DOK6: variants seen among roughly 807,000 people sequenced by gnomAD.
The protein encoded by DOK6 is downstream of tyrosine kinase 6.
Under a neutral mutation model 44.0 loss-of-function variants are expected in DOK6, and 22 were observed. The ratio of observed to expected loss-of-function variants is 0.50; its 90% confidence interval spans 0.36 to 0.71. The LOEUF (loss-of-function observed/expected upper bound fraction) is 0.71. DOK6 is among the 30% of genes least tolerant of loss of function. DOK6 has a pLI of 0.00. For synonymous variants in DOK6, 166 were observed against 145.5 expected, an observed-to-expected ratio of 1.14 and a Z score of -1.01; for missense variants, 340 against 416.4, an observed-to-expected ratio of 0.82 and a Z score of 1.60.
Position 69,649,951 on chromosome 18 carries a change from A to G in DOK6, c.290-27783A>G, listed in dbSNP as rs140160798. Among the ~76,000 whole-genome samples the G allele has an allele frequency of 2.0e-3, 310 of 152,188 alleles. 2 individuals carry two copies. The highest frequency in any genetic ancestry group is 5.7e-4 in the Non-Finnish European group (39 of 68,008). On this transcript the variant is annotated intron_variant, in intron 3 of 7. Coordinates refer to ENST00000382713, the MANE Select transcript of DOK6 (RefSeq NM_152721.6). ...AAGTAAAACTTGACCCACTGATCCT[A>G]AAATACATCTCTTATGGGATCCCCT...
intron 7 of DOK6, among the ~76,000 whole-genome samples, chr18:69,790,714 A>G (rs1980569241): frequency 6.6e-6 from 1 of 152,132 alleles, no homozygotes; most frequent in East Asian, 1.9e-4. Flanking sequence ...TGATATGGGC[A>G]TACAATGCAT....
intron 2 of DOK6, among the ~76,000 whole-genome samples, chr18:69,568,811 A>C (rs1599197703): frequency 6.6e-6 from 1 of 151,888 alleles, no homozygotes; most frequent in Admixed American, 6.6e-5. Flanking sequence ...CTACGCATGA[A>C]AGGGATACAG....
chr18:69,562,711 A>G (rs1022267221), intron 1 of DOK6, among the ~76,000 whole-genome samples: 30 of 152,328 alleles, frequency 2.0e-4, no homozygotes, highest in African/African-American at 7.0e-4. Context: ...AAGAAAACCT[A>G]GGTAATACCA....
chr18:69,609,646 C>T (rs1984090892), intron 3 of DOK6, among the ~76,000 whole-genome samples: 1 of 149,838 alleles, frequency 6.7e-6, no homozygotes, highest in South Asian at 2.1e-4. Context: ...GGAGAATTAC[C>T]ATATGATCTG....
intron 5 of DOK6, among the ~76,000 whole-genome samples, chr18:69,709,046 G>A (rs1395999456): frequency 6.6e-6 from 1 of 152,136 alleles, no homozygotes; most frequent in Non-Finnish European, 1.5e-5. Flanking sequence ...AACTCACAGT[G>A]GGGCTCTCTC....
At chr18:69,769,435 T>C (rs1277419248) in intron 7 of DOK6, among the ~76,000 whole-genome samples, 1 of 152,132 alleles carries the variant, frequency 6.6e-6, no homozygotes, top group Non-Finnish European at 1.5e-5. Flanking sequence ...CTAAGAAACA[T>C]CCTGTGCTTG....
At chr18:69,741,958 G>GA (rs1408880571) in intron 6 of DOK6, among the ~76,000 whole-genome samples, 1 of 152,124 alleles carries the variant, frequency 6.6e-6, no homozygotes, top group African/African-American at 2.4e-5. Flanking sequence ...TACTATGAAA[G>GA]AAAATTCAAT....
At chr18:69,772,031 C>G (rs892494484) in intron 7 of DOK6, among the ~76,000 whole-genome samples, 1 of 147,866 alleles carries the variant, frequency 6.8e-6, no homozygotes. Context: ...AAAAAAATGG[C>G]TTTTAGGTGA....
At chr18:69,752,114 G>C (rs1979202287) in intron 6 of DOK6, among the ~76,000 whole-genome samples, 1 of 151,770 alleles carries the variant, frequency 6.6e-6, no homozygotes. Flanking sequence ...CAAAATATAA[G>C]AACTGAAAAA....
intron 5 of DOK6, among the ~76,000 whole-genome samples, chr18:69,718,238 G>C (rs1261181156): frequency 6.6e-6 from 1 of 152,144 alleles, no homozygotes; most frequent in East Asian, 1.9e-4. Context: ...GAGTTGGGAA[G>C]ACCCATTCAG....
intron 6 of DOK6, among the ~76,000 whole-genome samples, chr18:69,748,993 A>G (rs1416709378): frequency 6.6e-6 from 1 of 152,216 alleles, no homozygotes; most frequent in Non-Finnish European, 1.5e-5. Context: ...GAACAAGATT[A>G]TGTCCTTTTC....
chr18:69,815,605 A>T (rs760101193), intron 7 of DOK6, among the ~76,000 whole-genome samples: 9 of 152,186 alleles, frequency 5.9e-5, no homozygotes, highest in Non-Finnish European at 1.0e-4. Context: ...AATGACAAGT[A>T]AGAGAAAATC....
intron 2 of DOK6, among the ~76,000 whole-genome samples, chr18:69,582,231 A>G (rs1302011498): frequency 5.3e-5 from 8 of 152,236 alleles, no homozygotes; most frequent in African/African-American, 1.4e-4. Context: ...TTTATTTACA[A>G]AAACAGAAGG....
chr18:69,488,600 G>C (rs1191887129), intron 1 of DOK6, among the ~76,000 whole-genome samples: 1 of 152,196 alleles, frequency 6.6e-6, no homozygotes, highest in African/African-American at 2.4e-5. Flanking sequence ...TGAAGGAGGA[G>C]CAAAGTCCTG....
At chr18:69,690,506 TTGAAGAG>T (rs1457227555) in intron 4 of DOK6, among the ~76,000 whole-genome samples, 1 of 152,204 alleles carries the variant, frequency 6.6e-6, no homozygotes, top group Non-Finnish European at 1.5e-5. Context: ...GCTGCTAGAA[TTGAAGAG>T]TGACCACTGC....
chr18:69,573,007 A>G (rs1424549114), intron 2 of DOK6, among the ~76,000 whole-genome samples: 1 of 151,572 alleles, frequency 6.6e-6, no homozygotes, highest in Non-Finnish European at 1.5e-5. Flanking sequence ...TATGTTACCT[A>G]CAGGTAACAC....
At position 69,655,776 on chromosome 18, in the gene DOK6, A is replaced by G. The variant is rs1428956859; in HGVS notation, c.290-21958A>G. Among the ~76,000 whole-genome samples, 2 of 147,892 alleles carry G rather than the reference A, an allele frequency of 1.4e-5. 1 individual carries two copies. Among genetic ancestry groups the G allele is most frequent in the Non-Finnish European group, 3.0e-5 (2 of 67,110 alleles). Reference sequence around the variant, plus strand: ...CCCCACCCCTCAAAAAAAAAAAAAAAAAAAAAACAAAAGAACAAAGCATAA... The same window carrying G: ...CCCCACCCCTCAAAAAAAAAAAAAAGAAAAAAACAAAAGAACAAAGCATAA... On this transcript the variant is annotated intron_variant, in intron 3 of 7. Coordinates refer to ENST00000382713, the MANE Select transcript of DOK6 (RefSeq NM_152721.6).
intron 4 of DOK6, among the ~76,000 whole-genome samples, chr18:69,684,145 T>A (rs889277170): frequency 1.3e-5 from 2 of 152,208 alleles, no homozygotes; most frequent in Admixed American, 1.3e-4. Flanking sequence ...ACTTTTATTA[T>A]TTGATTTATA....
intron 4 of DOK6, among the ~76,000 whole-genome samples, chr18:69,684,998 C>T (rs141863082): frequency 6.5e-4 from 99 of 152,246 alleles, no homozygotes; most frequent in African/African-American, 2.3e-3. Flanking sequence ...CCTCTGCCAG[C>T]TCCTGTGACT....
Sources: allele counts gnomAD v4.1 joint callset (sites outside exome capture counted in the v4.1 genomes callset), GRCh38; gene constraint gnomAD v4.1.1; transcripts MANE v1.5; gene names NCBI Gene and HGNC (gene_info 2026-07-23, HGNC 2026-07-21).